The following MIA2 variants were observed in gnomAD, a reference collection of about 807,000 sequenced individuals.
MIA2 encodes MIA SH3 domain ER export factor 2.
In MIA2, 127 loss-of-function variants were observed where a neutral mutation model predicts 167.8. The observed-to-expected ratio is 0.76, with a 90% CI of 0.66 to 0.88. The LOEUF is 0.88. Among genes scored for constraint, MIA2 ranks in the 40% least tolerant of loss-of-function variants. The pLI, the probability that MIA2 is intolerant of heterozygous loss-of-function variation, is 0.00. For synonymous variants in MIA2, 552 were observed against 541.9 expected, an observed-to-expected ratio of 1.02 and a Z score of -0.26; for missense variants, 1,690 against 1,624.7, an observed-to-expected ratio of 1.04 and a Z score of -0.69.
chr14:39,358,567 C>G (rs1227344838), intron 23 of MIA2, among the ~76,000 whole-genome samples: 1 of 152,186 alleles, frequency 6.6e-6, no homozygotes, highest in Admixed American at 6.5e-5. Flanking sequence ...AAGTCATTCT[C>G]TGTCCAGCTT....
chr14:39,247,697 C>T lies in MIA2; in HGVS notation c.1123C>T (p.Pro375Ser), dbSNP rs1191624947. The change falls in exon 4 of 29, where the codon CCA becomes TCA. Residue 375 changes from proline (P) to serine (S), a missense_variant. Coordinates refer to ENST00000640607, the MANE Select transcript of MIA2 (RefSeq NM_001329214.4). ...CACTAATGATAGCTTGAGTCTCAAGCCAAGTTGGTTTGATTTTGGTTTTGC... is the reference window on the plus strand; with the variant it reads ...CACTAATGATAGCTTGAGTCTCAAGTCAAGTTGGTTTGATTTTGGTTTTGC... ...TITNDSLSLK[P>S]SWFDFGFAIL... 5 of 1,611,436 alleles carry T rather than the reference C, an allele frequency of 3.1e-6. No individual in the cohort carries two copies. Among genetic ancestry groups the T allele is most frequent in the Middle Eastern group, 1.6e-4 (1 of 6,064 alleles).
At chr14:39,333,484 C>A (rs139894239) in intron 25 of MIA2, among the ~76,000 whole-genome samples, 1 of 151,456 alleles carries the variant, frequency 6.6e-6, no homozygotes, top group East Asian at 1.9e-4. Context: ...TCTACCTTTG[C>A]GGCTTTCTCC....
exon 24 of MIA2, chr14:39,387,123 A>G: frequency 1.8e-6 from 1 of 567,510 alleles, no homozygotes. Flanking sequence ...GCTCAACGGA[A>G]GCCGACTTTC....
chr14:39,288,693 C>A (rs1333027445), intron 9 of MIA2, among the ~76,000 whole-genome samples: 1 of 150,734 alleles, frequency 6.6e-6, no homozygotes, highest in Non-Finnish European at 1.5e-5. Context: ...GAACTCCTGA[C>A]CCTGTGATCT....
chr14:39,372,871 AG>A (rs935156157), intron 23 of MIA2, among the ~76,000 whole-genome samples: 1 of 152,224 alleles, frequency 6.6e-6, no homozygotes, highest in African/African-American at 2.4e-5. Flanking sequence ...TGTGACTCAC[AG>A]CTTGTCCATA....
intron 9 of MIA2, among the ~76,000 whole-genome samples, chr14:39,280,632 C>T (rs1005909564): frequency 6.6e-6 from 1 of 152,204 alleles, no homozygotes; most frequent in Admixed American, 6.5e-5. Context: ...ACTCGGGAGG[C>T]TGAGGCAGGA....
chr14:39,276,265 G>A (rs1261300853), intron 6 of MIA2: 1 of 152,242 alleles, frequency 6.6e-6, no homozygotes, highest in South Asian at 2.1e-4. Context: ...GTCTGCTGTG[G>A]GGAGAAGTAA....
chr14:39,313,408 T>G lies in MIA2; in HGVS notation c.3086T>G (p.Ile1029Ser). 1 of 1,604,144 alleles carries G rather than the reference T, an allele frequency of 6.2e-7. No individual in the cohort carries two copies. The highest frequency in any genetic ancestry group is 8.5e-7 in the Non-Finnish European group (1 of 1,175,528). The change falls in exon 19 of 29, where the codon ATC (isoleucine) becomes AGC (serine). Residue 1029 changes from isoleucine to serine, a missense_variant. Transcript: ENST00000640607. ...AAACTTTCTAAAGTAGATGAAAAGA[T>G]CAGCCATGCCACTGAAGAGCTGGAG... is the stretch of plus-strand genomic sequence containing the variant. ...EEKLSKVDEKISHATEELETY... is the reference protein window; with the variant it reads ...EEKLSKVDEKSSHATEELETY...
chr14:39,370,529 G>T, intron 23 of MIA2: 2 of 333,496 alleles, frequency 6.0e-6, no homozygotes, highest in South Asian at 3.0e-5. Flanking sequence ...TTGTCATGGA[G>T]ACTGCGCAGT....
intron 9 of MIA2, among the ~76,000 whole-genome samples, chr14:39,285,786 G>C (rs1211903541): frequency 1.3e-5 from 2 of 150,016 alleles, no homozygotes; most frequent in Admixed American, 1.3e-4. Context: ...CCGGGCGGAG[G>C]GGCTCCTCAC....
At chr14:39,260,364 A>T (rs182653997) in intron 6 of MIA2, among the ~76,000 whole-genome samples, 33 of 152,182 alleles carry the variant, frequency 2.2e-4, no homozygotes, top group Non-Finnish European at 3.8e-4. Flanking sequence ...CCTCTCCAGC[A>T]CCTGTTGTTT....
chr14:39,275,384 G>A (rs2057850547), intron 6 of MIA2, among the ~76,000 whole-genome samples: 1 of 152,132 alleles, frequency 6.6e-6, no homozygotes, highest in African/African-American at 2.4e-5. Context: ...CATGTGATCC[G>A]CCTACGTTGG....
intron 9 of MIA2, among the ~76,000 whole-genome samples, chr14:39,281,625 T>TTC (rs1239980063): frequency 2.0e-5 from 3 of 151,138 alleles, no homozygotes; most frequent in Non-Finnish European, 4.4e-5. Context: ...TTTGGTTTTT[T>TTC]TTTTTTTTTG....
chr14:39,304,251 C>G, intron 16 of MIA2, 40 bp from the exon 17 acceptor site: 1 of 922,856 alleles, frequency 1.1e-6, no homozygotes, highest in Non-Finnish European at 1.6e-6. Context: ...TTTTGTATAA[C>G]TGATTAATGT....
intron 19 of MIA2, 99 bp downstream of exon 19, chr14:39,313,540 T>G: frequency 1.5e-6 from 1 of 664,636 alleles, no homozygotes; most frequent in Non-Finnish European, 2.5e-6. Flanking sequence ...ATAGAAAACA[T>G]TTTAAAATCT....
At chr14:39,331,121 C>T (rs1357147709) in intron 25 of MIA2, among the ~76,000 whole-genome samples, 1 of 151,926 alleles carries the variant, frequency 6.6e-6, no homozygotes, top group Non-Finnish European at 1.5e-5. Context: ...TAAGAACTTG[C>T]TTTATGAATC....
intron 28 of MIA2, among the ~76,000 whole-genome samples, chr14:39,349,736 C>T (rs988848429): frequency 3.3e-5 from 5 of 152,024 alleles, no homozygotes; most frequent in South Asian, 4.1e-4. Flanking sequence ...ATCACTAATA[C>T]GAATTTTAAG....
chr14:39,286,407 T>C (rs2059795268), intron 9 of MIA2, among the ~76,000 whole-genome samples: 1 of 151,806 alleles, frequency 6.6e-6, no homozygotes, highest in Non-Finnish European at 1.5e-5. Flanking sequence ...ACAGTCCAGC[T>C]TTGGCTCGGC....
chr14:39,310,469 TAAC>T (rs572114066), intron 18 of MIA2, among the ~76,000 whole-genome samples: 31 of 152,130 alleles, frequency 2.0e-4, no homozygotes, highest in Middle Eastern at 3.2e-3. Context: ...GTCAATAAAT[TAAC>T]AATATATATT....
Sources: allele counts gnomAD v4.1 joint callset (sites outside exome capture counted in the v4.1 genomes callset), GRCh38; gene constraint gnomAD v4.1.1; transcripts MANE v1.5; gene names NCBI Gene and HGNC (gene_info 2026-07-23, HGNC 2026-07-21).